Variants in PLEKHG6 observed in about 807,000 individuals in gnomAD.
PLEKHG6 encodes pleckstrin homology domain-containing family G member 6.
Under a neutral mutation model 97.5 loss-of-function variants are expected in PLEKHG6, and 91 were observed. That is an observed-to-expected ratio of 0.93 (90% confidence interval 0.79 to 1.11). The LOEUF (loss-of-function observed/expected upper bound fraction) is 1.11. PLEKHG6 is among the 50% of genes most tolerant of loss of function. PLEKHG6 has a pLI of 0.00. For synonymous variants in PLEKHG6, 466 were observed against 425.5 expected (o/e 1.10, Z -1.17); for missense variants, 1,044 against 1,031.0 (o/e 1.01, Z -0.17).
chr12:6,310,832 G>T lies in PLEKHG6; in HGVS notation c.-85G>T. ...GGCGGCGCAGGGCAGCGGGTGCGGT[G>T]ACACCTGTGGGCACAGGTGAGCGGC... On this transcript the variant is annotated 5_prime_UTR_variant, in exon 1 of 16. Coordinates refer to ENST00000684764, the MANE Select transcript of PLEKHG6 (RefSeq NM_001384598.1). 1 of 152,882 alleles carries T rather than the reference G, an allele frequency of 6.5e-6. No homozygotes were observed. Among genetic ancestry groups the T allele is most frequent in the South Asian group, 1.9e-4 (1 of 5,250 alleles). The allele number at this position is 152,882 out of a possible 1,614,324, so 9.5% of individuals were successfully genotyped here.
chr12:6,313,790 G>A lies in PLEKHG6; in HGVS notation c.294+6G>A, dbSNP rs772661130. ...TTCACTCCCCCAAACTCAAGGTAAGGGGGTCCCTCTCCTCCCATCCCCACA... is the reference window on the plus strand; with the variant it reads ...TTCACTCCCCCAAACTCAAGGTAAGAGGGTCCCTCTCCTCCCATCCCCACA... On this transcript the variant is annotated splice_donor_region_variant and intron_variant, in intron 3 of 15. Coordinates refer to ENST00000684764, the MANE Select transcript of PLEKHG6 (RefSeq NM_001384598.1). 4 of 1,563,004 alleles carry A rather than the reference G, an allele frequency of 2.6e-6. No individual in the cohort carries two copies. Among genetic ancestry groups the A allele is most frequent in the South Asian group, 2.4e-5 (2 of 83,520 alleles).
chr12:6,327,479 T>TGGGCC lies in PLEKHG6; in HGVS notation c.1896_1897insGGGCC (p.Pro633GlyfsTer24). 9.9e-5 allele frequency: 158 copies of TGGGCC among 1,602,526 alleles called. No homozygotes were observed. The highest frequency in any genetic ancestry group is 1.2e-4 in the Non-Finnish European group (145 of 1,171,064). On this transcript the variant is annotated frameshift_variant, in exon 15 of 16. Transcript: ENST00000684764. LOFTEE classifies it high-confidence loss of function. Reference sequence around the variant, plus strand: ...TGGAACTCCGGGACATCCCTCTGCGTCCCCACCCTCCCGACCCCCAAGCTC... The same window carrying TGGGCC: ...TGGAACTCCGGGACATCCCTCTGCGTGGGCCCCCCACCCTCCCGACCCCCAAGCTC...
intron 7 of PLEKHG6, 72 bp from the exon 8 acceptor site, chr12:6,317,231 C>A: frequency 1.0e-6 from 1 of 967,062 alleles, no homozygotes. Flanking sequence ...GCTCCTGGGT[C>A]CTGCAGCTAG....
At chr12:6,312,966 G>A (rs543484362) in intron 2 of PLEKHG6, 15 of 1,428,460 alleles carry the variant, frequency 1.1e-5, no homozygotes, top group East Asian at 7.7e-5. Context: ...CTCAATGCAC[G>A]ATAATTTTGC....
intron 3 of PLEKHG6, 75 bp downstream of exon 3, chr12:6,313,859 T>G: frequency 7.2e-7 from 1 of 1,395,618 alleles, no homozygotes; most frequent in East Asian, 2.4e-5. Context: ...ACCAGCAAGC[T>G]CCGGGAGCTG....
rs1341909605 is a variant in PLEKHG6 at position 6,316,677 on chromosome 12, T to C, written c.756+273T>C. 6.6e-6 allele frequency among the ~76,000 whole-genome samples: 1 copy of C among 151,930 alleles called. No individual in the cohort carries two copies. The highest frequency in any genetic ancestry group is 1.5e-5 in the Non-Finnish European group (1 of 67,998). On this transcript the variant is annotated intron_variant, in intron 7 of 15. Transcript: ENST00000684764. The surrounding 1 kb of genome is among the most constrained non-coding windows in gnomAD (Gnocchi z 4.1). ...CTTGGCTCCCATCAACTACAAAAGC[T>C]GGGTGCAGCAAATGAGGCCTAAGTG...
Position 6,327,254 on chromosome 12 carries a change from G to A in PLEKHG6, c.1671G>A (p.Arg557=), listed in dbSNP as rs374312651. The change falls in exon 15 of 16, where the codon AGG becomes AGA. Residue 557 remains arginine (R), a splice_region_variant and synonymous_variant. Coordinates refer to ENST00000684764, the MANE Select transcript of PLEKHG6 (RefSeq NM_001384598.1). The part of the protein sequence containing the change: ...LEGSQSSAEG[R]TPEFSTIIPH... ...TCTGACTCTTTGCCATTAACTGTAG[G>A]ACTCCTGAGTTCTCGACCATTATCC... is the stretch of plus-strand genomic sequence containing the variant. 1.8e-5 allele frequency: 29 copies of A among 1,574,688 alleles called. No homozygotes were observed. Among genetic ancestry groups the A allele is most frequent in the Non-Finnish European group, 2.3e-5 (27 of 1,155,344 alleles).
At chr12:6,318,609 G>A (rs1947578939) in intron 11 of PLEKHG6, 136 bp from the exon 12 acceptor site, 4 of 1,162,286 alleles carry the variant, frequency 3.4e-6, no homozygotes, top group Non-Finnish European at 3.7e-6. Context: ...CCAAAGCGAC[G>A]CCCCTGGCCA....
chr12:6,315,349 G>A lies in PLEKHG6; in HGVS notation c.459+180G>A, dbSNP rs1947418448. On this transcript the variant is annotated intron_variant, in intron 4 of 15. Transcript: ENST00000684764. This position sits in a 1 kb window ranked among gnomAD's most constrained non-coding sequence, Gnocchi z 4.5. ...TACTAGTCAGACCTTGGTCAAGACA[G>A]TAAAGTTCTCTGGGCCTCAGTTGCC... 6.6e-6 allele frequency among the ~76,000 whole-genome samples: 1 copy of A among 152,244 alleles called. No individual in the cohort carries two copies. Among genetic ancestry groups the A allele is most frequent in the African/African-American group, 2.4e-5 (1 of 41,464 alleles).
rs548089023 is a variant in PLEKHG6, at chr12:6,316,857, T to G, written c.757-446T>G. ...AAAATGTGGGCCCTGCAGGAAAAAG[T>G]TGCAGTGGGGTAGAGAGGTAGGCGT... On this transcript the variant is annotated intron_variant, in intron 7 of 15. Transcript: ENST00000684764. This position sits in a 1 kb window ranked among gnomAD's most constrained non-coding sequence, Gnocchi z 4.1. 6.6e-6 allele frequency among the ~76,000 whole-genome samples: 1 copy of G among 152,248 alleles called. No individual in the cohort carries two copies. The highest frequency in any genetic ancestry group is 1.9e-4 in the East Asian group (1 of 5,174).
At chr12:6,324,072 TCTC>T (rs1947787390) in intron 13 of PLEKHG6, among the ~76,000 whole-genome samples, 1 of 152,022 alleles carries the variant, frequency 6.6e-6, no homozygotes, top group African/African-American at 2.4e-5. Context: ...CCCTTCCTCT[TCTC>T]AGTTTTGTAG....
At position 6,313,196 on chromosome 12, in the gene PLEKHG6, C is replaced by T. The variant is rs1314010247; in HGVS notation, c.139-433C>T. 7 of 1,549,032 alleles carry T rather than the reference C, an allele frequency of 4.5e-6. No individual in the cohort carries two copies. In the East Asian group the frequency reaches 7.3e-5, roughly 16 times the overall value. ...GGAGAAGGCTGCACATGTGAGTGCCCTCGTCCCCATGTGTGAGGGAGGCTG... is the reference window on the plus strand; with the variant it reads ...GGAGAAGGCTGCACATGTGAGTGCCTTCGTCCCCATGTGTGAGGGAGGCTG... On this transcript the variant is annotated intron_variant, in intron 2 of 15. Coordinates refer to ENST00000684764, the MANE Select transcript of PLEKHG6 (RefSeq NM_001384598.1).
chr12:6,319,760 T>A, intron 13 of PLEKHG6: 1 of 1,254,034 alleles, frequency 8.0e-7, no homozygotes, highest in Non-Finnish European at 1.1e-6. Context: ...CGGCAGGCAC[T>A]AGAGCTAGGT....
intron 2 of PLEKHG6, chr12:6,313,283 AC>A: frequency 9.4e-6 from 11 of 1,172,778 alleles, no homozygotes; most frequent in Non-Finnish European, 9.9e-6. Context: ...TTGTCCATGC[AC>A]CCCCCATGGT....
At chr12:6,326,021 T>A (rs1947844531) in intron 13 of PLEKHG6, among the ~76,000 whole-genome samples, 1 of 152,148 alleles carries the variant, frequency 6.6e-6, no homozygotes. Context: ...AATAAGGTAA[T>A]GTAGGCCGGG....
At chr12:6,318,234 C>T in intron 10 of PLEKHG6, 67 bp from the exon 11 acceptor site, 1 of 1,606,376 alleles carries the variant, frequency 6.2e-7, no homozygotes, top group South Asian at 1.1e-5. Context: ...GAACCAGGAG[C>T]CGCCCTTGGC....
intron 13 of PLEKHG6, among the ~76,000 whole-genome samples, chr12:6,323,527 C>G (rs949444087): frequency 6.6e-6 from 1 of 152,224 alleles, no homozygotes; most frequent in Non-Finnish European, 1.5e-5. Flanking sequence ...AGAAAGTAAG[C>G]TTCTCCAGGG....
Position 6,328,302 on chromosome 12 carries a change from A to G in PLEKHG6, c.*157A>G. The G allele has an allele frequency of 1.5e-6, 1 of 665,558 alleles. No individual in the cohort carries two copies. Among genetic ancestry groups the G allele is most frequent in the Non-Finnish European group, 2.6e-6 (1 of 381,732 alleles). 41.2% of individuals were successfully genotyped at this position (665,558 alleles called of 1,614,324 possible). A position where few individuals can be genotyped will look rare whatever the true frequency, so the allele number is the denominator to read the frequency against. ...TGCCTCCTGCTCTGTTTGGGGATCAAGAACTGTAAATTTATGTATCATAGG... is the reference window on the plus strand; with the variant it reads ...TGCCTCCTGCTCTGTTTGGGGATCAGGAACTGTAAATTTATGTATCATAGG... On this transcript the variant is annotated 3_prime_UTR_variant, in exon 16 of 16. Transcript: ENST00000684764.
rs1411648893 is a variant in PLEKHG6, at chr12:6,318,496, G to C, written c.1275+76G>C. ...TAAGAGGCAGAAACGCCGGAAGTGGGAGAAGAGGGGTTTGGGGAAGAGGAT... is the reference window on the plus strand; with the variant it reads ...TAAGAGGCAGAAACGCCGGAAGTGGCAGAAGAGGGGTTTGGGGAAGAGGAT... On this transcript the variant is annotated intron_variant, in intron 11 of 15. Transcript: ENST00000684764. 2.0e-6 allele frequency: 3 copies of C among 1,504,194 alleles called. No individual in the cohort carries two copies. The South Asian group carries it at 3.9e-5, about 20-fold the overall frequency. The allele number at this position is 1,504,194 out of a possible 1,614,324, so 93.2% of individuals were successfully genotyped here.
Sources: allele counts gnomAD v4.1 joint callset (sites outside exome capture counted in the v4.1 genomes callset), GRCh38; gene constraint gnomAD v4.1.1; non-coding constraint Gnocchi (gnomAD v3.1); transcripts MANE v1.5; gene names NCBI Gene and HGNC (gene_info 2026-07-23, HGNC 2026-07-21).